Variants in SNURF observed in about 807,000 individuals in gnomAD.
SNURF encodes SNRPN upstream open reading frame, also known as SNURF protein.
A neutral mutation model predicts 11.6 loss-of-function variants in SNURF; 6 were observed. The ratio of observed to expected loss-of-function variants is 0.52; its 90% confidence interval spans 0.28 to 1.02. The LOEUF (loss-of-function observed/expected upper bound fraction) is 1.02. Among genes scored for constraint, SNURF ranks in the 50% least tolerant of loss-of-function variants. The pLI, the probability that SNURF is intolerant of heterozygous loss-of-function variation, is 0.09. For missense variants in SNURF, 84 were observed against 88.4 expected (o/e 0.95, Z 0.20); for synonymous variants, 29 against 31.6 (o/e 0.92, Z 0.27).
At chr15:24,958,386 CTTT>C (rs75210247) in intron 1 of SNURF, among the ~76,000 whole-genome samples, 6 of 124,208 alleles carry the variant, frequency 4.8e-5, no homozygotes, top group African/African-American at 5.7e-5. Flanking sequence ...GTCCTGTCTC[CTTT>C]TTTTTTTTTT....
intron 2 of SNURF, among the ~76,000 whole-genome samples, chr15:24,964,590 G>T (rs970002674): frequency 6.6e-6 from 1 of 152,056 alleles, no homozygotes; most frequent in African/African-American, 2.4e-5. Context: ...GAGCCACTGC[G>T]CCCAGCCTCT....
chr15:24,967,952 G>C, exon 3 of SNURF: 1 of 1,613,942 alleles, frequency 6.2e-7, no homozygotes, highest in Non-Finnish European at 8.5e-7. Flanking sequence ...TACCCGAGGC[G>C]TTCTCAGCAG....
chr15:24,968,712 A>T (rs1023743598), downstream of SNURF: 5 of 152,154 alleles, frequency 3.3e-5, no homozygotes, highest in Admixed American at 3.3e-4. Flanking sequence ...ATACTTTCTC[A>T]TGCTTATTTA....
intron 2 of SNURF, among the ~76,000 whole-genome samples, chr15:24,967,532 C>T (rs1198427503): frequency 1.3e-5 from 2 of 151,870 alleles, no homozygotes; most frequent in Non-Finnish European, 2.9e-5. Flanking sequence ...GTCTCAGCTA[C>T]TCGGGAGGCT....
At chr15:24,976,131 A>G (rs2077035231) in intron 4 of SNURF, among the ~76,000 whole-genome samples, 1 of 152,174 alleles carries the variant, frequency 6.6e-6, no homozygotes, top group East Asian at 1.9e-4. Context: ...TAGCTTCACT[A>G]TTTACCCTTG....
rs913916226 is a variant in SNURF, at chr15:24,975,050, C to G, written c.*46-308C>G. 4.3e-6 allele frequency: 3 copies of G among 692,078 alleles called. No homozygotes were observed. In the African/African-American group the frequency reaches 5.3e-5, roughly 12 times the overall value. 42.9% of individuals were successfully genotyped at this position (692,078 alleles called of 1,614,324 possible). On this transcript the variant is annotated intron_variant and NMD_transcript_variant, in intron 3 of 6. Coordinates refer to the SNURF transcript ENST00000580062. ...AAAGCAGTCTGGAGAGAGAGAACACCCTACATCATTGTGGTTTGGTTTACT... is the reference window on the plus strand; with the variant it reads ...AAAGCAGTCTGGAGAGAGAGAACACGCTACATCATTGTGGTTTGGTTTACT...
intron 3 of SNURF, chr15:24,974,194 G>A (rs969377667): frequency 3.1e-5 from 16 of 508,734 alleles, no homozygotes; most frequent in African/African-American, 7.8e-5. Flanking sequence ...GAGGAAGCTA[G>A]TATGAGAGGA....
chr15:24,968,897 C>T (rs1596294734), downstream of SNURF: 2 of 151,892 alleles, frequency 1.3e-5, no homozygotes, highest in African/African-American at 2.4e-5. Flanking sequence ...ATTACAAAGT[C>T]GATTTTGATT....
At chr15:24,973,069 G>A (rs1388375201), downstream of SNURF, among the ~76,000 whole-genome samples, 1 of 151,946 alleles carries the variant, frequency 6.6e-6, no homozygotes, top group East Asian at 2.0e-4. Context: ...TGTATTTTTA[G>A]TAGAGATAGG....
chr15:24,972,282 A>C (rs1005360447), downstream of SNURF, among the ~76,000 whole-genome samples: 5 of 151,216 alleles, frequency 3.3e-5, no homozygotes, highest in African/African-American at 9.7e-5. Context: ...GGATATTGCT[A>C]ATGAGTCTCA....
exon 7 of SNURF, chr15:24,977,804 T>G (rs781125322): frequency 1.9e-6 from 3 of 1,613,110 alleles, no homozygotes; most frequent in Non-Finnish European, 8.5e-7. Flanking sequence ...GAAGAGGCAC[T>G]GTAGCAGCTG....
chr15:24,970,999 TC>T (rs1431129663), downstream of SNURF, among the ~76,000 whole-genome samples: 2 of 152,196 alleles, frequency 1.3e-5, no homozygotes, highest in Non-Finnish European at 2.9e-5. Flanking sequence ...ATACTGATAT[TC>T]CATGGTGTGT....
At chr15:24,956,764 C>T (rs2062991494) in intron 1 of SNURF, among the ~76,000 whole-genome samples, 2 of 152,172 alleles carry the variant, frequency 1.3e-5, no homozygotes. Flanking sequence ...CACCCCTTAC[C>T]CACGGTGCAG....
downstream of SNURF, chr15:24,968,708 T>C (rs960870784): frequency 6.6e-6 from 1 of 152,214 alleles, no homozygotes; most frequent in African/African-American, 2.4e-5. Flanking sequence ...CTAAATACTT[T>C]CTCATGCTTA....
downstream of SNURF, chr15:24,968,465 C>A: frequency 1.3e-5 from 2 of 157,584 alleles, no homozygotes; most frequent in Admixed American, 6.2e-5. Flanking sequence ...TTGTATAAAA[C>A]TTAGAATAAT....
At chr15:24,960,292 T>C (rs529069176) in intron 1 of SNURF, among the ~76,000 whole-genome samples, 2 of 152,170 alleles carry the variant, frequency 1.3e-5, no homozygotes, top group Non-Finnish European at 2.9e-5. Context: ...ACCAGCAGTT[T>C]CCCCACATCC....
chr15:24,973,482 C>G (rs2076695943), downstream of SNURF, among the ~76,000 whole-genome samples: 1 of 152,160 alleles, frequency 6.6e-6, no homozygotes, highest in South Asian at 2.1e-4. Context: ...ACTGCAACCT[C>G]TGCCTCCCAG....
chr15:24,955,023 C>T lies in SNURF; in HGVS notation c.-26C>T, dbSNP rs368646285. ...CGGCCGCCGGAGATGCCTGACGCAT[C>T]TGTCTGAGGAGCGGTCAGTGACGCG... On this transcript the variant is annotated 5_prime_UTR_variant, in exon 1 of 3. Transcript: ENST00000577949. 4.3e-6 allele frequency: 7 copies of T among 1,612,678 alleles called. No homozygotes were observed. In the Admixed American group the frequency reaches 6.7e-5, roughly 15 times the overall value.
At position 24,974,548 on chromosome 15, in the gene SNURF, T is replaced by C. The variant is rs1009436180; in HGVS notation, c.*46-810T>C. On this transcript the variant is annotated intron_variant and NMD_transcript_variant, in intron 3 of 6. Coordinates refer to the SNURF transcript ENST00000580062. ...ATGTGCAGTGATCTTGGGTTCTGAATGTTAGAAATAAGGATACATCCATGG... is the reference window on the plus strand; with the variant it reads ...ATGTGCAGTGATCTTGGGTTCTGAACGTTAGAAATAAGGATACATCCATGG... The C allele has an allele frequency of 2.5e-6, 3 of 1,200,068 alleles. No homozygotes were observed. In the Admixed American group the frequency reaches 5.0e-5, roughly 20 times the overall value. 74.3% of individuals were successfully genotyped at this position (1,200,068 alleles called of 1,614,324 possible).
Sources: allele counts gnomAD v4.1 joint callset (sites outside exome capture counted in the v4.1 genomes callset), GRCh38; gene constraint gnomAD v4.1.1; transcripts MANE v1.5; gene names NCBI Gene and HGNC (gene_info 2026-07-23, HGNC 2026-07-21).